The following KCNH8 variants were observed in gnomAD, a reference collection of about 807,000 sequenced individuals.
The protein encoded by KCNH8 is potassium voltage-gated channel subfamily H member 8.
KCNH8 carries 70 observed loss-of-function variants against 103.6 expected under a neutral mutation model. The ratio of observed to expected loss-of-function variants is 0.68; its 90% CI spans 0.56 to 0.82. KCNH8 has a LOEUF of 0.82. Among genes scored for constraint, KCNH8 ranks in the 40% least tolerant of loss-of-function variants. KCNH8 has a pLI of 0.00. For synonymous variants in KCNH8, 498 were observed against 489.4 expected (o/e 1.02, Z -0.23); for missense variants, 1,217 against 1,329.9 (o/e 0.92, Z 1.32).
intron 5 of KCNH8, among the ~76,000 whole-genome samples, chr3:19,390,205 T>C (rs568845557): frequency 6.6e-6 from 1 of 152,266 alleles, no homozygotes; most frequent in South Asian, 2.1e-4. Flanking sequence ...GAACATTATG[T>C]GCTCAGAAAA....
Position 19,215,706 on chromosome 3 carries a change from C to T in KCNH8, c.77-37948C>T, listed in dbSNP as rs6809773. On this transcript the variant is annotated intron_variant, in intron 1 of 15. Transcript: ENST00000328405. ...ACTCCAATTACTTGACAGCCCACAA[C>T]TTTTTCTCTCCCTTTCTCAAAAAAC... is the stretch of plus-strand genomic sequence containing the variant. Among the ~76,000 whole-genome samples the T allele has an allele frequency of 8.1e-3, 1,235 of 152,316 alleles. 20 individuals are homozygous for T. Among genetic ancestry groups the T allele is most frequent in the African/African-American group, 0.027 (1,121 of 41,558 alleles).
At chr3:19,357,622 A>G (rs2125326890) in intron 5 of KCNH8, among the ~76,000 whole-genome samples, 1 of 152,036 alleles carries the variant, frequency 6.6e-6, no homozygotes, top group South Asian at 2.1e-4. Flanking sequence ...AGTGATTTGC[A>G]CATTCTTACT....
At chr3:19,515,006 TTTTA>T (rs2068850573) in intron 13 of KCNH8, among the ~76,000 whole-genome samples, 1 of 151,804 alleles carries the variant, frequency 6.6e-6, no homozygotes. Context: ...TAATAATATA[TTTTA>T]TTTGACTGAA....
chr3:19,264,352 G>A (rs1442608634), intron 2 of KCNH8, among the ~76,000 whole-genome samples: 4 of 152,038 alleles, frequency 2.6e-5, no homozygotes, highest in Admixed American at 2.0e-4. Context: ...GTAAATGTAG[G>A]CAGTCTTTCT....
chr3:19,240,625 A>C (rs1033326498), intron 1 of KCNH8, among the ~76,000 whole-genome samples: 9 of 151,922 alleles, frequency 5.9e-5, no homozygotes, highest in African/African-American at 1.5e-4. Flanking sequence ...AAAAAAAAAA[A>C]AACAAAAAAA....
chr3:19,272,815 A>G (rs1468810659), intron 2 of KCNH8, among the ~76,000 whole-genome samples: 1 of 152,006 alleles, frequency 6.6e-6, no homozygotes, highest in African/African-American at 2.4e-5. Flanking sequence ...TTCCTATAGC[A>G]TTTAAGACCT....
intron 2 of KCNH8, among the ~76,000 whole-genome samples, chr3:19,258,297 T>C (rs907910211): frequency 2.0e-5 from 3 of 152,072 alleles, no homozygotes; most frequent in Admixed American, 6.6e-5. Flanking sequence ...ACATTCTTGC[T>C]TGACTTCAAG....
intron 2 of KCNH8, among the ~76,000 whole-genome samples, chr3:19,279,780 G>A (rs963373960): frequency 5.3e-5 from 8 of 152,006 alleles, no homozygotes; most frequent in Non-Finnish European, 1.0e-4. Context: ...GGCTTCACCT[G>A]GTGTTTAACT....
In KCNH8 at chr3:19,170,691, C is replaced by T. The variant is rs200716453; in HGVS notation, c.76+21896C>T. On this transcript the variant is annotated intron_variant, in intron 1 of 15. Coordinates refer to ENST00000328405, the MANE Select transcript of KCNH8 (RefSeq NM_144633.3). ...ATATATATACACACACACATATATACACACATATATATACACATATATACA... is the reference window on the plus strand; with the variant it reads ...ATATATATACACACACACATATATATACACATATATATACACATATATACA... Among the ~76,000 whole-genome samples the T allele has an allele frequency of 1.4e-3, 203 of 143,366 alleles. 1 individual carries two copies. Among genetic ancestry groups the T allele is most frequent in the African/African-American group, 5.0e-3 (187 of 37,522 alleles). The allele number at this position is 143,366 out of a possible 152,430, so 94.1% of individuals were successfully genotyped here.
intron 3 of KCNH8, among the ~76,000 whole-genome samples, chr3:19,291,328 G>A (rs1479673020): frequency 6.6e-6 from 1 of 152,038 alleles, no homozygotes; most frequent in South Asian, 2.1e-4. Context: ...TCTTTTAATT[G>A]TGATGTTAGG....
At chr3:19,515,268 C>A (rs2068854254) in intron 13 of KCNH8, 54 bp from the exon 14 acceptor site, 1 of 951,872 alleles carries the variant, frequency 1.1e-6, no homozygotes, top group Non-Finnish European at 1.6e-6. Context: ...TTTAAAAATA[C>A]TGGAATCCAT....
intron 3 of KCNH8, among the ~76,000 whole-genome samples, chr3:19,283,837 G>C (rs1267433988): frequency 1.3e-5 from 2 of 151,090 alleles, no homozygotes; most frequent in Admixed American, 1.3e-4. Context: ...CAGCTATTTG[G>C]GAGGCTGAGG....
intron 1 of KCNH8, among the ~76,000 whole-genome samples, chr3:19,155,270 A>G (rs1002604798): frequency 1.3e-5 from 2 of 152,154 alleles, no homozygotes; most frequent in African/African-American, 4.8e-5. Context: ...CTGCCTACAC[A>G]TCTAATTAAT....
intron 8 of KCNH8, among the ~76,000 whole-genome samples, chr3:19,447,895 T>C (rs1458019142): frequency 6.6e-6 from 1 of 151,998 alleles, no homozygotes; most frequent in East Asian, 1.9e-4. Flanking sequence ...TTTTTGAACA[T>C]TTAGGAATAA....
chr3:19,347,791 ATACT>A lies in KCNH8; in HGVS notation c.639_642del (p.Leu214CysfsTer23). The stretch of plus-strand genomic sequence containing the variant: ...TTCTGATGCAAAAAAGTCCAAATTC[ATACT>A]TCTGCATTTTAGCACTTTTAAAGCT... On this transcript the variant is annotated frameshift_variant, in exon 5 of 16. Transcript: ENST00000328405. LOFTEE classifies it high-confidence loss of function. The A allele has an allele frequency of 6.2e-7, 1 of 1,613,220 alleles. No individual in the cohort carries two copies. Among genetic ancestry groups the A allele is most frequent in the Non-Finnish European group, 8.5e-7 (1 of 1,179,428 alleles).
chr3:19,398,675 A>C (rs930314593), intron 7 of KCNH8, among the ~76,000 whole-genome samples: 4 of 151,966 alleles, frequency 2.6e-5, no homozygotes, highest in African/African-American at 9.7e-5. Context: ...AGGACTGTAA[A>C]CTGACAATAA....
At chr3:19,158,954 A>G (rs2063207339) in intron 1 of KCNH8, among the ~76,000 whole-genome samples, 2 of 151,980 alleles carry the variant, frequency 1.3e-5, no homozygotes, top group Non-Finnish European at 2.9e-5. Flanking sequence ...CATGGCGACC[A>G]TAAAGAAAAC....
At chr3:19,461,582 G>A (rs1446526924) in intron 11 of KCNH8, among the ~76,000 whole-genome samples, 1 of 152,094 alleles carries the variant, frequency 6.6e-6, no homozygotes, top group Non-Finnish European at 1.5e-5. Context: ...AGGAACATTT[G>A]CAAAATGGAA....
chr3:19,203,858 A>G (rs2063687164), intron 1 of KCNH8, among the ~76,000 whole-genome samples: 1 of 152,046 alleles, frequency 6.6e-6, no homozygotes, highest in Admixed American at 6.6e-5. Flanking sequence ...AAATCAATGC[A>G]ATTACTAGAA....
Sources: allele counts gnomAD v4.1 joint callset (sites outside exome capture counted in the v4.1 genomes callset), GRCh38; gene constraint gnomAD v4.1.1; transcripts MANE v1.5; gene names NCBI Gene and HGNC (gene_info 2026-07-23, HGNC 2026-07-21).